The following VPS50 variants were observed in gnomAD, a reference collection of about 807,000 sequenced individuals.
VPS50 encodes the protein VPS50 subunit of EARP/GARPII complex.
Under a neutral mutation model 139.7 loss-of-function variants are expected in VPS50, and 70 were observed. That is an observed-to-expected ratio of 0.50 (90% CI 0.41 to 0.61). VPS50 has a LOEUF of 0.61. Among genes scored for constraint, VPS50 ranks in the 20% least tolerant of loss-of-function variants. The pLI is 0.00. For missense variants in VPS50, 921 were observed against 1,133.7 expected (o/e 0.81, Z 2.69); for synonymous variants, 365 against 376.7 (o/e 0.97, Z 0.36).
At chr7:93,285,227 G>T (rs994563762) in intron 12 of VPS50, among the ~76,000 whole-genome samples, 24 of 152,212 alleles carry the variant, frequency 1.6e-4, no homozygotes, top group African/African-American at 5.5e-4. Context: ...GGGAATTTTG[G>T]ATCTCTGTGA....
chr7:93,356,307 A>G (rs73712848), intron 27 of VPS50: 3,821 of 263,918 alleles, frequency 0.014, 147 homozygotes, highest in African/African-American at 0.075. Flanking sequence ...GTGAACTGTT[A>G]CTGTAATGAT....
intron 18 of VPS50, among the ~76,000 whole-genome samples, chr7:93,306,886 A>G (rs1217971360): frequency 6.6e-6 from 1 of 151,808 alleles, no homozygotes; most frequent in Admixed American, 6.6e-5. Flanking sequence ...TCATTTGGTG[A>G]AGACAAAATT....
chr7:93,341,650 C>G (rs916836575), intron 23 of VPS50, 75 bp downstream of exon 23: 8 of 973,878 alleles, frequency 8.2e-6, no homozygotes, highest in Non-Finnish European at 1.2e-5. Context: ...TTTAATTAGA[C>G]TTCTAGTTAG....
chr7:93,245,509 A>G (rs1197288198), intron 2 of VPS50, among the ~76,000 whole-genome samples: 1 of 151,844 alleles, frequency 6.6e-6, no homozygotes, highest in Non-Finnish European at 1.5e-5. Context: ...TTTTCTCTGT[A>G]TATCTTGATT....
intron 26 of VPS50, 86 bp downstream of exon 26, chr7:93,353,847 A>T (rs1391226539): frequency 9.6e-7 from 1 of 1,040,050 alleles, no homozygotes; most frequent in Non-Finnish European, 1.4e-6. Flanking sequence ...GTTGGAGAGA[A>T]TAAGTAGAAA....
At chr7:93,294,732 C>A (rs746399503) in intron 14 of VPS50, 96 bp downstream of exon 14, 46 of 882,772 alleles carry the variant, frequency 5.2e-5, no homozygotes, top group Non-Finnish European at 7.7e-5. Flanking sequence ...TATATGTATT[C>A]TTTGCAGATT....
chr7:93,242,567 C>T (rs1198294279), intron 2 of VPS50, among the ~76,000 whole-genome samples: 1 of 151,778 alleles, frequency 6.6e-6, no homozygotes, highest in Non-Finnish European at 1.5e-5. Context: ...TAGGGGAGTA[C>T]TCTTTGAACT....
chr7:93,233,466 T>G (rs992976550), intron 1 of VPS50, among the ~76,000 whole-genome samples: 13 of 152,220 alleles, frequency 8.5e-5, no homozygotes, highest in African/African-American at 3.1e-4. Flanking sequence ...TAACTCAAAT[T>G]CCACATTCTT....
intron 21 of VPS50, among the ~76,000 whole-genome samples, chr7:93,327,268 T>G (rs1432037706): frequency 6.6e-6 from 1 of 152,208 alleles, no homozygotes; most frequent in East Asian, 1.9e-4. Context: ...TTCTTAATTG[T>G]ATCCAATTTT....
intron 2 of VPS50, among the ~76,000 whole-genome samples, chr7:93,251,774 A>G (rs1485251842): frequency 2.6e-5 from 4 of 152,200 alleles, no homozygotes; most frequent in Non-Finnish European, 5.9e-5. Context: ...ATGATTTAAA[A>G]CAATAGTTCC....
In VPS50 at chr7:93,332,327, T is replaced by C. The variant is rs553687576; in HGVS notation, c.1978-1790T>C. ...GTAAGCTCTCTAGTGTCTCTTCTTATAATGGCACTAATCCCATCATACCAG... is the reference window on the plus strand; with the variant it reads ...GTAAGCTCTCTAGTGTCTCTTCTTACAATGGCACTAATCCCATCATACCAG... On this transcript the variant is annotated intron_variant, in intron 21 of 27. Transcript: ENST00000305866. 2.0e-5 allele frequency among the ~76,000 whole-genome samples: 3 copies of C among 152,340 alleles called. No individual in the cohort carries two copies. The South Asian group carries it at 6.2e-4, about 32-fold the overall frequency.
intron 1 of VPS50, among the ~76,000 whole-genome samples, chr7:93,233,342 A>T (rs1030162422): frequency 3.3e-5 from 5 of 152,218 alleles, no homozygotes; most frequent in Admixed American, 1.3e-4. Context: ...AATATGAAAG[A>T]TAGTTAAGAT....
chr7:93,260,899 T>G (rs1245913153), intron 9 of VPS50, among the ~76,000 whole-genome samples: 1 of 152,160 alleles, frequency 6.6e-6, no homozygotes, highest in Non-Finnish European at 1.5e-5. Context: ...TTTTGCCATG[T>G]CAGCCAGGCT....
chr7:93,308,447 A>G (rs1316965307), intron 18 of VPS50, among the ~76,000 whole-genome samples: 9 of 147,208 alleles, frequency 6.1e-5, no homozygotes, highest in Non-Finnish European at 5.9e-5. Context: ...TGGATACTGA[A>G]CCTCTTTTTA....
intron 1 of VPS50, 92 bp from the exon 2 acceptor site, chr7:93,239,774 A>G (rs1794924083): frequency 4.2e-6 from 3 of 710,028 alleles, no homozygotes; most frequent in East Asian, 5.3e-5. Flanking sequence ...TTCTATTTTT[A>G]AAGTGGTCAT....
Position 93,308,804 on chromosome 7 carries a change from A to C in VPS50, c.1630-20A>C. ...AGAGGCCCTTTATACTCATTTTTTA[A>C]TAACCTGTGTTTTCTTCAGTATGAA... On this transcript the variant is annotated intron_variant, in intron 18 of 27. Transcript: ENST00000305866. The C allele has an allele frequency of 2.2e-6, 3 of 1,381,408 alleles. No homozygotes were observed. The highest frequency in any genetic ancestry group is 3.1e-6 in the Non-Finnish European group (3 of 973,062). 85.6% of individuals were successfully genotyped at this position (1,381,408 alleles called of 1,614,324 possible).
In VPS50 at chr7:93,358,314, C is replaced by T. The variant is rs200440928; in HGVS notation, c.2776-3C>T. The T allele has an allele frequency of 1.9e-6, 3 of 1,612,342 alleles. No individual in the cohort carries two copies. Reference sequence around the variant, plus strand: ...TAAATTTGGATCTTTCTTCTTTGAGCAGGAATATTCAACGAAGCAGCTGAC... The same window carrying T: ...TAAATTTGGATCTTTCTTCTTTGAGTAGGAATATTCAACGAAGCAGCTGAC... On this transcript the variant is annotated splice_region_variant and splice_polypyrimidine_tract_variant and intron_variant, in intron 27 of 27. Coordinates refer to ENST00000305866, the MANE Select transcript of VPS50 (RefSeq NM_017667.4).
At chr7:93,264,856 C>T (rs1335486179) in intron 9 of VPS50, among the ~76,000 whole-genome samples, 3 of 152,138 alleles carry the variant, frequency 2.0e-5, no homozygotes, top group African/African-American at 7.2e-5. Context: ...GTTGCCAGGC[C>T]TTCTAGCTTG....
At chr7:93,347,885 G>A (rs1385349066) in intron 23 of VPS50, among the ~76,000 whole-genome samples, 1 of 150,416 alleles carries the variant, frequency 6.6e-6, no homozygotes, top group Non-Finnish European at 1.5e-5. Flanking sequence ...TAGATGACGA[G>A]TTAATGGGTG....
Sources: allele counts gnomAD v4.1 joint callset (sites outside exome capture counted in the v4.1 genomes callset), GRCh38; gene constraint gnomAD v4.1.1; transcripts MANE v1.5; gene names NCBI Gene and HGNC (gene_info 2026-07-23, HGNC 2026-07-21).